MAD1L1: variants seen among roughly 807,000 people sequenced by gnomAD.
The protein encoded by MAD1L1 is mitotic spindle assembly checkpoint protein MAD1.
In MAD1L1, 95 loss-of-function variants were observed where a neutral mutation model predicts 96.9. That is an observed-to-expected ratio of 0.98 (90% confidence interval 0.83 to 1.16). The LOEUF is 1.16. Among genes scored for constraint, MAD1L1 ranks in the 50% most tolerant of loss-of-function variants. MAD1L1 has a pLI of 0.00. For synonymous variants in MAD1L1, 473 were observed against 396.6 expected (o/e 1.19, Z -2.29); for missense variants, 1,007 against 954.4 (o/e 1.06, Z -0.73).
intron 18 of MAD1L1, among the ~76,000 whole-genome samples, chr7:1,885,723 G>C (rs375374616): frequency 6.6e-6 from 1 of 152,162 alleles, no homozygotes; most frequent in African/African-American, 2.4e-5. Context: ...CTGCTGCCCC[G>C]TGGAGCAGAG....
At chr7:2,220,917 A>G in intron 5 of MAD1L1, 1 of 1,612,222 alleles carries the variant, frequency 6.2e-7, no homozygotes, top group South Asian at 1.1e-5. Flanking sequence ...TGCAGGGCCG[A>G]GCCCACCTGC....
Position 2,020,215 on chromosome 7 carries a change from G to C in MAD1L1, c.1219-5573C>G, listed in dbSNP as rs113843655. 6.1e-3 allele frequency among the ~76,000 whole-genome samples: 925 copies of C among 152,278 alleles called. 8 individuals are homozygous for C. The highest frequency in any genetic ancestry group is 0.027 in the Middle Eastern group (8 of 294). ...GCCCGGGGAGGCAGTGCCATGGACAGCCTCACTGGTGAGACCACTGGAAGT... is the reference window on the plus strand; with the variant it reads ...GCCCGGGGAGGCAGTGCCATGGACACCCTCACTGGTGAGACCACTGGAAGT... On this transcript the variant is annotated intron_variant, in intron 12 of 18. Transcript: ENST00000265854.
rs546411633 is a variant in MAD1L1 at position 2,091,771 on chromosome 7, A to G, written c.1074-22433T>C. Among the ~76,000 whole-genome samples, 11 of 139,822 alleles carry G rather than the reference A, an allele frequency of 7.9e-5. No individual in the cohort carries two copies. In the East Asian group the frequency reaches 1.7e-3, roughly 21 times the overall value. The allele number at this position is 139,822 out of a possible 152,430, so 91.7% of individuals were successfully genotyped here. A position where few individuals can be genotyped will look rare whatever the true frequency, so the allele number is the denominator to read the frequency against. ...AGCCTGGGCGACAGAGCGAGACTCC[A>G]TCTCAAAAAAAAAAAAAAAGATTCA... On this transcript the variant is annotated intron_variant, in intron 11 of 18. Coordinates refer to ENST00000265854, the MANE Select transcript of MAD1L1 (RefSeq NM_001013836.2).
intron 17 of MAD1L1, 59 bp downstream of exon 17, chr7:1,936,628 G>A (rs936576053): frequency 5.7e-5 from 85 of 1,501,742 alleles, no homozygotes; most frequent in Non-Finnish European, 6.7e-5. Context: ...AAAGGCGCAC[G>A]GATGGACCTA....
intron 14 of MAD1L1, among the ~76,000 whole-genome samples, chr7:1,997,938 G>A (rs1344827667): frequency 6.7e-6 from 1 of 148,776 alleles, no homozygotes; most frequent in Non-Finnish European, 1.5e-5. Context: ...GCTCAACCCA[G>A]GGAGGGGTAA....
Position 2,073,338 on chromosome 7 carries a change from G to C in MAD1L1, c.1074-4000C>G, listed in dbSNP as rs1785224824. ...AAACAGCTAACTAGGCTTTGTTAAA[G>C]ATCTGCAGGAGTGCTGTGGCCTGGC... On this transcript the variant is annotated intron_variant, in intron 11 of 18. Coordinates refer to ENST00000265854, the MANE Select transcript of MAD1L1 (RefSeq NM_001013836.2). Among the ~76,000 whole-genome samples the C allele has an allele frequency of 2.0e-5, 3 of 152,242 alleles. No individual in the cohort carries two copies. The South Asian group carries it at 6.2e-4, about 31-fold the overall frequency.
Position 1,898,302 on chromosome 7 carries a change from G to C in MAD1L1, c.1896C>G (p.Ala632=). ...FQTKIQEFRK[A]CYTLTGYQID... ...TCTGGTAGCCGGTGAGCGTGTAGCA[G>C]GCCTTGCGGAACTCCTGGATCTTGG... Residue 632 remains alanine, a synonymous_variant, in exon 18 of 19, where the codon GCC becomes GCG. Transcript: ENST00000265854. The C allele has an allele frequency of 1.2e-6, 2 of 1,614,086 alleles. No individual in the cohort carries two copies. Among genetic ancestry groups the C allele is most frequent in the Non-Finnish European group, 1.7e-6 (2 of 1,179,990 alleles).
intron 10 of MAD1L1, among the ~76,000 whole-genome samples, chr7:2,188,350 T>C (rs1584507567): frequency 1.3e-5 from 2 of 152,172 alleles, no homozygotes; most frequent in Non-Finnish European, 2.9e-5. Context: ...CTAAAATTCA[T>C]ATGGAATCTC....
At chr7:1,816,907 A>C (rs990115162) in intron 18 of MAD1L1, 1 of 151,970 alleles carries the variant, frequency 6.6e-6, no homozygotes, top group African/African-American at 2.4e-5. Flanking sequence ...CAGCACCCAC[A>C]CAGCCCCAGG....
At chr7:1,857,761 G>C (rs139617993) in intron 18 of MAD1L1, among the ~76,000 whole-genome samples, 1 of 152,200 alleles carries the variant, frequency 6.6e-6, no homozygotes, top group Admixed American at 6.5e-5. Flanking sequence ...CTACATCTGA[G>C]GCCTGCCCGG....
intron 15 of MAD1L1, among the ~76,000 whole-genome samples, chr7:1,977,810 C>T (rs6461049): frequency 0.56 from 85,085 of 152,156 alleles, 24,145 homozygotes; most frequent in Middle Eastern, 0.7. Flanking sequence ...AGCGGGGAGC[C>T]GTGCAGCGTG....
intron 18 of MAD1L1, among the ~76,000 whole-genome samples, chr7:1,821,809 C>T (rs966166533): frequency 6.6e-5 from 10 of 152,210 alleles, no homozygotes; most frequent in African/African-American, 2.4e-4. Flanking sequence ...CCACGAAGAA[C>T]CCTCAGCTCA....
chr7:2,072,399 C>T (rs1273558043), intron 11 of MAD1L1, among the ~76,000 whole-genome samples: 2 of 152,236 alleles, frequency 1.3e-5, no homozygotes, highest in African/African-American at 2.4e-5. Context: ...GCCCCAGGTG[C>T]AGCACTGGCC....
chr7:1,844,757 G>C (rs1371243148), intron 18 of MAD1L1, among the ~76,000 whole-genome samples: 1 of 152,224 alleles, frequency 6.6e-6, no homozygotes, highest in Non-Finnish European at 1.5e-5. Flanking sequence ...GGTTGCATCC[G>C]ATCCTTCGAT....
intron 18 of MAD1L1, among the ~76,000 whole-genome samples, chr7:1,887,731 A>G (rs1038857341): frequency 6.0e-5 from 8 of 132,502 alleles, no homozygotes; most frequent in Non-Finnish European, 1.1e-4. Context: ...ACATGCATGT[A>G]TGTGGCTTCC....
intron 8 of MAD1L1, 79 bp from the exon 9 acceptor site, chr7:2,216,078 C>A: frequency 6.2e-7 from 1 of 1,609,502 alleles, no homozygotes; most frequent in Non-Finnish European, 8.5e-7. Flanking sequence ...CCTGCCCCTA[C>A]AGGGTCTGCA....
intron 17 of MAD1L1, among the ~76,000 whole-genome samples, chr7:1,932,546 C>T (rs146213409): frequency 1.3e-5 from 2 of 152,260 alleles, no homozygotes; most frequent in African/African-American, 4.8e-5. Flanking sequence ...GCTAGAAACT[C>T]GGAGGTGCTG....
chr7:2,220,124 C>A (rs1049675928), intron 5 of MAD1L1, among the ~76,000 whole-genome samples: 27 of 152,236 alleles, frequency 1.8e-4, no homozygotes, highest in African/African-American at 6.3e-4. Context: ...CACACCACAG[C>A]AAGGCACTGG....
chr7:2,209,217 G>C (rs1381042058), intron 10 of MAD1L1, among the ~76,000 whole-genome samples: 1 of 152,142 alleles, frequency 6.6e-6, no homozygotes, highest in African/African-American at 2.4e-5. Context: ...CAGCCAGCCT[G>C]CCCAGCCTCC....
Sources: allele counts gnomAD v4.1 joint callset (sites outside exome capture counted in the v4.1 genomes callset), GRCh38; gene constraint gnomAD v4.1.1; transcripts MANE v1.5; gene names NCBI Gene and HGNC (gene_info 2026-07-23, HGNC 2026-07-21).